The following NLRP9 variants were observed in gnomAD, a reference collection of about 807,000 sequenced individuals.
NLRP9 encodes NLR family pyrin domain containing 9, also known as NACHT, LRR and PYD domains-containing protein 9.
Under a neutral mutation model 83.1 loss-of-function variants are expected in NLRP9, and 88 were observed. That is an observed-to-expected ratio of 1.06 (90% CI 0.89 to 1.26). The LOEUF (loss-of-function observed/expected upper bound fraction) is 1.26, where lower values mean the gene tolerates loss of function less well. Ranked by LOEUF, NLRP9 falls within the 50% of genes most tolerant of loss-of-function variation. NLRP9 has a pLI of 0.00. For missense variants in NLRP9, 1,308 were observed against 1,179.3 expected, an observed-to-expected ratio of 1.11 and a Z score of -1.60; for synonymous variants, 521 against 447.6, an observed-to-expected ratio of 1.16 and a Z score of -2.07.
intron 1 of NLRP9, 71 bp from the exon 2 acceptor site, chr19:55,733,621 A>T: frequency 1.1e-6 from 1 of 945,820 alleles, no homozygotes; most frequent in South Asian, 1.7e-5. Flanking sequence ...GAGAACTGTA[A>T]ACCAAAAATA....
rs1182971947 is a variant in NLRP9 at position 55,733,211 on chromosome 19, G to A, written c.620C>T (p.Pro207Leu). The change falls in exon 2 of 9, where the codon CCG becomes CTG. Residue 207 changes from proline to leucine, a missense_variant. Physicochemically the swap from Pro to Leu is moderately conservative, Grantham distance 98. Transcript: ENST00000332836. ...GTCTTCGATCTTCTCTGAAGACTCC[G>A]GCCAGTCCCTAGAGAGGAGCTCCAG... The part of the protein sequence containing the change: ...SLLELLSRDW[P>L]ESSEKIEDIF... 1 of 1,613,346 alleles carries A rather than the reference G, an allele frequency of 6.2e-7. No individual in the cohort carries two copies. The highest frequency in any genetic ancestry group is 8.5e-7 in the Non-Finnish European group (1 of 1,179,488).
intron 1 of NLRP9, among the ~76,000 whole-genome samples, chr19:55,734,835 A>T (rs1988743401): frequency 2.0e-5 from 3 of 151,946 alleles, no homozygotes; most frequent in African/African-American, 7.3e-5. Flanking sequence ...GGGTCTCACC[A>T]TGTTGGTCAG....
chr19:55,725,848 G>A lies in NLRP9; in HGVS notation c.1995-1704C>T, dbSNP rs541633680. Among the ~76,000 whole-genome samples the A allele has an allele frequency of 1.1e-4, 17 of 152,142 alleles. No homozygotes were observed. The East Asian group carries it at 3.1e-3, about 28-fold the overall frequency. On this transcript the variant is annotated intron_variant, in intron 3 of 8. Coordinates refer to ENST00000332836, the MANE Select transcript of NLRP9 (RefSeq NM_176820.4). ...TCAAGACCACCCTGGGCAACATGAT[G>A]AAACCCCATCTCTACTAAAATACAA... is the stretch of plus-strand genomic sequence containing the variant.
intron 5 of NLRP9, among the ~76,000 whole-genome samples, chr19:55,716,257 C>CTTTTT (rs931275248): frequency 1.7e-4 from 20 of 117,818 alleles, no homozygotes; most frequent in South Asian, 2.8e-4. Flanking sequence ...TAAAAATTTT[C>CTTTTT]TTTTTTTTTT....
intron 3 of NLRP9, 52 bp from the exon 4 acceptor site, chr19:55,724,196 A>G (rs1988330069): frequency 7.8e-7 from 1 of 1,285,256 alleles, no homozygotes; most frequent in Non-Finnish European, 1.1e-6. Flanking sequence ...CCCAGCACAA[A>G]GACAGACACC....
At chr19:55,711,502 G>T (rs1162978077) in intron 8 of NLRP9, 4 of 1,354,058 alleles carry the variant, frequency 3.0e-6, no homozygotes, top group Non-Finnish European at 3.9e-6. Flanking sequence ...TAGAGCAGTG[G>T]TTCTCACCTG....
intron 6 of NLRP9, among the ~76,000 whole-genome samples, chr19:55,714,092 T>C (rs150255609): frequency 0.01 from 1,559 of 151,344 alleles, 12 homozygotes; most frequent in Non-Finnish European, 0.016. Context: ...TGGAAGTCCA[T>C]GGGAACAGGG....
intron 6 of NLRP9, among the ~76,000 whole-genome samples, chr19:55,713,152 A>C: frequency 6.6e-6 from 1 of 150,686 alleles, no homozygotes; most frequent in Non-Finnish European, 1.5e-5. Context: ...CAGCATAGCT[A>C]CCTCCTCCCC....
In NLRP9 at chr19:55,717,042, T is replaced by C. The variant is rs540775093; in HGVS notation, c.2160-144A>G. On this transcript the variant is annotated intron_variant, in intron 4 of 8. Coordinates refer to ENST00000332836, the MANE Select transcript of NLRP9 (RefSeq NM_176820.4). ...ACTACAGACTCTTTTTCTTTTTTTT[T>C]TTTTTTTTTGAGAAGGAATCTCACT... 2.0e-5 allele frequency: 12 copies of C among 614,596 alleles called. No individual in the cohort carries two copies. In the East Asian group the frequency reaches 2.0e-4, roughly 10 times the overall value. 38.1% of individuals were successfully genotyped at this position (614,596 alleles called of 1,614,324 possible).
Position 55,712,558 on chromosome 19 carries a change from C to T in NLRP9, c.2534G>A (p.Cys845Tyr), listed in dbSNP as rs745393286. 6.2e-7 allele frequency: 1 copy of T among 1,612,456 alleles called. No individual in the cohort carries two copies. Among genetic ancestry groups the T allele is most frequent in the Non-Finnish European group, 8.5e-7 (1 of 1,179,878 alleles). The stretch of plus-strand genomic sequence containing the variant: ...AATAAGAACAGCAGCAATGTCCTTA[C>T]AGGAATCGGAAGTAAGGAAACAGCC... ...LMGCFLTSDS[C>Y]KDIAAVLICN... Residue 845 changes from cysteine to tyrosine, a missense_variant, in exon 7 of 9, where the codon TGT becomes TAT. By Grantham distance (194) the Cys-to-Tyr change is radical. Transcript: ENST00000332836.
intron 4 of NLRP9, among the ~76,000 whole-genome samples, chr19:55,721,935 C>A (rs1988238859): frequency 6.6e-6 from 1 of 152,142 alleles, no homozygotes; most frequent in African/African-American, 2.4e-5. Context: ...GTCCAATAAA[C>A]CTCTTTCTTT....
At chr19:55,734,524 CACAT>C (rs908050020) in intron 1 of NLRP9, among the ~76,000 whole-genome samples, 2 of 80,204 alleles carry the variant, frequency 2.5e-5, no homozygotes, top group Non-Finnish European at 5.3e-5. Context: ...TATACACACA[CACAT>C]ATATATATAT....
chr19:55,723,946 G>C lies in NLRP9; in HGVS notation c.2159+34C>G, dbSNP rs368336547. On this transcript the variant is annotated intron_variant, in intron 4 of 8. Transcript: ENST00000332836. ...CAAACTGCAAAGCCCACCTTGGAAA[G>C]AAACAGCACTCGGCATGAACAGCCC... The C allele has an allele frequency of 7.6e-6, 12 of 1,568,804 alleles. No individual in the cohort carries two copies. In the African/African-American group the frequency reaches 1.5e-4, roughly 20 times the overall value.
chr19:55,709,913 A>G (rs1207017933), intron 8 of NLRP9: 2 of 152,124 alleles, frequency 1.3e-5, no homozygotes, highest in East Asian at 1.9e-4. Flanking sequence ...AACATTTGCA[A>G]TTCTCTTCTC....
intron 2 of NLRP9, among the ~76,000 whole-genome samples, chr19:55,731,398 A>G (rs957207897): frequency 3.3e-5 from 5 of 151,882 alleles, no homozygotes; most frequent in Non-Finnish European, 7.4e-5. Context: ...GAAAGAGAGA[A>G]AAAAAGAGGA....
intron 4 of NLRP9, among the ~76,000 whole-genome samples, chr19:55,722,260 ATG>A: frequency 6.6e-6 from 1 of 152,206 alleles, no homozygotes; most frequent in Non-Finnish European, 1.5e-5. Flanking sequence ...CCTTATGTTA[ATG>A]TATAATAGAT....
At chr19:55,713,364 A>G (rs1987847127) in intron 6 of NLRP9, among the ~76,000 whole-genome samples, 1 of 151,796 alleles carries the variant, frequency 6.6e-6, no homozygotes, top group South Asian at 2.1e-4. Context: ...ATGATAAATG[A>G]CAGATGACAT....
intron 6 of NLRP9, among the ~76,000 whole-genome samples, chr19:55,713,175 C>G (rs1208024646): frequency 6.6e-6 from 1 of 150,486 alleles, no homozygotes; most frequent in East Asian, 2.0e-4. Context: ...CTTCAAATCC[C>G]TGTGCAAATG....
chr19:55,720,190 AT>A (rs948380148), intron 4 of NLRP9, among the ~76,000 whole-genome samples: 1 of 152,122 alleles, frequency 6.6e-6, no homozygotes, highest in African/African-American at 2.4e-5. Context: ...TCATATGTGA[AT>A]TTTTTTTAAA....
Sources: gnomAD v4.1 joint callset for allele counts (sites outside exome capture counted in the v4.1 genomes callset) on GRCh38, gnomAD v4.1.1 for gene constraint, MANE v1.5 for transcripts, NCBI Gene and HGNC (gene_info 2026-07-23, HGNC 2026-07-21) for gene names.